Variants in TENM3 observed in about 807,000 individuals in gnomAD.
The protein encoded by TENM3 is teneurin transmembrane protein 3, also known as teneurin-3.
In TENM3, 63 loss-of-function variants were observed where a neutral mutation model predicts 255.1. That is an observed-to-expected ratio of 0.25 (90% CI 0.20 to 0.30). The LOEUF (loss-of-function observed/expected upper bound fraction) is 0.30, where lower values mean the gene tolerates loss of function less well. Ranked by LOEUF, TENM3 falls within the 10% of genes least tolerant of loss-of-function variation. TENM3 has a pLI of 1.00. For synonymous variants in TENM3, 1,306 were observed against 1,322.3 expected (o/e 0.99, Z 0.27); for missense variants, 2,929 against 3,461.1 (o/e 0.85, Z 3.86).
chr4:181,703,300 T>A, the TENM3 span, among the ~76,000 whole-genome samples: 1 of 152,242 alleles, frequency 6.6e-6, no homozygotes, highest in East Asian at 1.9e-4. Context: ...ACTTGTCTAC[T>A]GTTAGAGAGC....
At chr4:181,555,266 G>A in the TENM3 span, among the ~76,000 whole-genome samples, 3 of 152,154 alleles carry the variant, frequency 2.0e-5, no homozygotes, top group Non-Finnish European at 4.4e-5. Flanking sequence ...GCAGACTGGT[G>A]CAACGCCACA....
chr4:181,590,737 A>G, the TENM3 span, among the ~76,000 whole-genome samples: 2 of 152,214 alleles, frequency 1.3e-5, no homozygotes, highest in African/African-American at 4.8e-5. Context: ...GAGAAATTTC[A>G]GATATTTGAA....
intron 1 of TENM3, among the ~76,000 whole-genome samples, chr4:182,304,596 C>G (rs1429309588): frequency 6.6e-6 from 1 of 152,116 alleles, no homozygotes; most frequent in Non-Finnish European, 1.5e-5. Flanking sequence ...GATTGAAGAC[C>G]TGCTGTGTAC....
At chr4:181,541,444 A>T in the TENM3 span, among the ~76,000 whole-genome samples, 1 of 152,168 alleles carries the variant, frequency 6.6e-6, no homozygotes, top group African/African-American at 2.4e-5. Flanking sequence ...AAAATTCACT[A>T]AACACTCAAG....
At chr4:182,254,899 A>G (rs1030460629) in intron 1 of TENM3, among the ~76,000 whole-genome samples, 2 of 152,070 alleles carry the variant, frequency 1.3e-5, no homozygotes, top group East Asian at 1.9e-4. Flanking sequence ...ACAAAAAACA[A>G]AAAACCCAAA....
the TENM3 span, among the ~76,000 whole-genome samples, chr4:181,779,874 G>A: frequency 6.6e-6 from 1 of 152,226 alleles, no homozygotes; most frequent in Non-Finnish European, 1.5e-5. Context: ...ACCTATGAGT[G>A]AGAACATGCA....
chr4:181,634,024 T>G, the TENM3 span, among the ~76,000 whole-genome samples: 2 of 152,336 alleles, frequency 1.3e-5, no homozygotes, highest in East Asian at 3.9e-4. Flanking sequence ...GTGACTTCCA[T>G]CTTCAGTTCA....
At chr4:181,950,935 G>A in the TENM3 span, among the ~76,000 whole-genome samples, 1 of 151,930 alleles carries the variant, frequency 6.6e-6, no homozygotes, top group Non-Finnish European at 1.5e-5. Flanking sequence ...CCAGCTACTC[G>A]GGAGGCTGAA....
the TENM3 span, among the ~76,000 whole-genome samples, chr4:181,905,503 G>A: frequency 1.3e-5 from 2 of 149,922 alleles, no homozygotes; most frequent in South Asian, 2.1e-4. Flanking sequence ...GTAACAAAAC[G>A]TGCCCACTAT....
intron 3 of TENM3, among the ~76,000 whole-genome samples, chr4:182,437,697 C>G (rs945629279): frequency 6.6e-6 from 1 of 151,920 alleles, no homozygotes; most frequent in African/African-American, 2.4e-5. Context: ...ATTCTGGAGG[C>G]TGAGGCAGGA....
intron 4 of TENM3, among the ~76,000 whole-genome samples, chr4:182,602,052 T>G (rs1305216034): frequency 6.6e-6 from 1 of 152,258 alleles, no homozygotes; most frequent in Non-Finnish European, 1.5e-5. Context: ...GCTAATCCAT[T>G]TCATTATTCA....
chr4:182,169,954 G>A (rs372667364), intron 1 of TENM3, among the ~76,000 whole-genome samples: 4 of 151,418 alleles, frequency 2.6e-5, no homozygotes, highest in South Asian at 4.2e-4. Context: ...AAAGTGAATC[G>A]CTTATAGTTT....
At chr4:181,994,948 T>C in the TENM3 span, among the ~76,000 whole-genome samples, 2 of 152,196 alleles carry the variant, frequency 1.3e-5, no homozygotes, top group Non-Finnish European at 2.9e-5. Context: ...TTACGATTCA[T>C]TGGAATTGAA....
chr4:181,862,532 A>G, the TENM3 span, among the ~76,000 whole-genome samples: 2 of 152,136 alleles, frequency 1.3e-5, no homozygotes, highest in South Asian at 4.1e-4. Flanking sequence ...AAAAAAATAT[A>G]TCTCAAGCTT....
At chr4:181,615,724 A>G in the TENM3 span, among the ~76,000 whole-genome samples, 1 of 152,202 alleles carries the variant, frequency 6.6e-6, no homozygotes. Flanking sequence ...GCAAGGTCAG[A>G]GGGTACCTCG....
At chr4:181,899,325 G>T in the TENM3 span, among the ~76,000 whole-genome samples, 1 of 151,934 alleles carries the variant, frequency 6.6e-6, no homozygotes, top group East Asian at 1.9e-4. Context: ...TTATCCTTAA[G>T]ACTTAGGTAA....
intron 13 of TENM3, among the ~76,000 whole-genome samples, chr4:182,725,774 T>C (rs1760119482): frequency 6.6e-6 from 1 of 151,914 alleles, no homozygotes; most frequent in Admixed American, 6.6e-5. Flanking sequence ...TAGCTGAGAT[T>C]ACAGGCACCC....
intron 1 of TENM3, among the ~76,000 whole-genome samples, chr4:182,198,363 A>C (rs1228273855): frequency 2.0e-5 from 3 of 152,210 alleles, no homozygotes. Flanking sequence ...TACTGAGGGC[A>C]GGGACCTTTT....
At chr4:181,615,857 A>G in the TENM3 span, among the ~76,000 whole-genome samples, 1 of 152,244 alleles carries the variant, frequency 6.6e-6, no homozygotes, top group African/African-American at 2.4e-5. Flanking sequence ...AGGAGCTAAT[A>G]CTTCTTACTT....
Sources: gnomAD v4.1 joint callset for allele counts (sites outside exome capture counted in the v4.1 genomes callset) on GRCh38, gnomAD v4.1.1 for gene constraint, MANE v1.5 for transcripts, NCBI Gene and HGNC (gene_info 2026-07-23, HGNC 2026-07-21) for gene names.